Variants in IMPG1 observed in about 807,000 individuals in gnomAD.
The protein encoded by IMPG1 is interphotoreceptor matrix proteoglycan 1, also known as interphotoreceptor matrix proteoglycan of 150 kDa.
A neutral mutation model predicts 92.0 loss-of-function variants in IMPG1; 85 were observed. That is an observed-to-expected ratio of 0.92 (90% CI 0.78 to 1.11). The LOEUF (loss-of-function observed/expected upper bound fraction) is 1.11, where lower values mean the gene tolerates loss of function less well. Ranked by LOEUF, IMPG1 falls within the 50% of genes least tolerant of loss-of-function variation. IMPG1 has a pLI of 0.00. For missense variants in IMPG1, 1,022 were observed against 956.0 expected (o/e 1.07, Z -0.91); for synonymous variants, 367 against 334.1 (o/e 1.10, Z -1.08).
intron 16 of IMPG1, 75 bp from the exon 17 acceptor site, chr6:75,922,241 G>A (rs1582041692): frequency 1.5e-6 from 1 of 649,394 alleles, no homozygotes; most frequent in East Asian, 2.8e-5. Context: ...CAATATTACT[G>A]CCACTGGTAG....
At chr6:75,933,904 C>T (rs536761676) in intron 14 of IMPG1, among the ~76,000 whole-genome samples, 1 of 151,118 alleles carries the variant, frequency 6.6e-6, no homozygotes, top group East Asian at 1.9e-4. Flanking sequence ...TTGCCGACAT[C>T]ATTTTCATCG....
chr6:75,923,666 C>T lies in IMPG1; in HGVS notation c.2284G>A (p.Val762Ile). ...TTTTGTTGATTTTGGAACTTTTTAA[C>T]ACTAGTTTTGTATGCTTGATTTTCA... ...HSENQAYKTS[V>I]KKFQNQQNNK... is the part of the protein sequence containing the mutation. The change falls in exon 16 of 17, where the codon GTT becomes ATT. Residue 762 changes from valine to isoleucine, a missense_variant. Coordinates refer to ENST00000369950, the MANE Select transcript of IMPG1 (RefSeq NM_001563.4). The T allele has an allele frequency of 1.3e-6, 2 of 1,593,598 alleles. No homozygotes were observed. The highest frequency in any genetic ancestry group is 1.7e-6 in the Non-Finnish European group (2 of 1,162,802).
chr6:76,067,862 G>A (rs1205163657), intron 1 of IMPG1, among the ~76,000 whole-genome samples: 12 of 152,100 alleles, frequency 7.9e-5, no homozygotes, highest in Non-Finnish European at 1.0e-4. Flanking sequence ...CTTTATTCCA[G>A]GGATGCAAAG....
chr6:76,029,079 C>A (rs753817515), intron 4 of IMPG1, among the ~76,000 whole-genome samples: 1 of 152,224 alleles, frequency 6.6e-6, no homozygotes, highest in Non-Finnish European at 1.5e-5. Context: ...ACTTACAGAA[C>A]TAATAAAACT....
rs191746719 is a variant in IMPG1, at chr6:75,981,920, C to G, written c.1291+20998G>C. ...CAAATTTCTAAGTATTACTCATCCT[C>G]AAGTGATTTACAAAAGGTACTTGAG... On this transcript the variant is annotated intron_variant, in intron 12 of 16. Transcript: ENST00000369950. Among the ~76,000 whole-genome samples, 4 of 152,306 alleles carry G rather than the reference C, an allele frequency of 2.6e-5. No individual in the cohort carries two copies. In the East Asian group the frequency reaches 5.8e-4, roughly 22 times the overall value.
At chr6:76,035,778 T>G (rs1783733395) in intron 2 of IMPG1, among the ~76,000 whole-genome samples, 1 of 152,210 alleles carries the variant, frequency 6.6e-6, no homozygotes. Context: ...TCCATCCCTA[T>G]TCTTATTGTG....
At chr6:76,054,471 A>G (rs2127596619) in intron 1 of IMPG1, among the ~76,000 whole-genome samples, 1 of 152,332 alleles carries the variant, frequency 6.6e-6, no homozygotes, top group South Asian at 2.1e-4. Flanking sequence ...GTCAGACTAC[A>G]TTTAAAAAGG....
chr6:75,974,380 TTTCTTTC>T (rs1554230309), intron 12 of IMPG1, among the ~76,000 whole-genome samples: 1 of 76,304 alleles, frequency 1.3e-5, no homozygotes, highest in African/African-American at 4.5e-5. Context: ...TCTTTCTTTC[TTTCTTTC>T]TTTCTTTTCT....
chr6:76,066,837 A>G (rs1182826025), intron 1 of IMPG1, among the ~76,000 whole-genome samples: 2 of 152,164 alleles, frequency 1.3e-5, no homozygotes, highest in African/African-American at 4.8e-5. Flanking sequence ...ATAAATTGAA[A>G]TTATATCAAG....
rs142049654 is a variant in IMPG1, at chr6:76,004,057, G to A, written c.1136-107C>T. On this transcript the variant is annotated intron_variant, in intron 10 of 16. Coordinates refer to ENST00000369950, the MANE Select transcript of IMPG1 (RefSeq NM_001563.4). ...ATATGCGGAATAACCAATCCTTAAG[G>A]AGTAGTACAACAAATCATTAGGAAA... 66 of 738,224 alleles carry A rather than the reference G, an allele frequency of 8.9e-5. No homozygotes were observed. The African/African-American group carries it at 9.7e-4, about 11-fold the overall frequency. 45.7% of individuals were successfully genotyped at this position (738,224 alleles called of 1,614,324 possible). A position where few individuals can be genotyped will look rare whatever the true frequency, so the allele number is the denominator to read the frequency against.
intron 13 of IMPG1, among the ~76,000 whole-genome samples, chr6:75,948,739 G>A (rs556923827): frequency 1.3e-5 from 2 of 152,202 alleles, no homozygotes; most frequent in Non-Finnish European, 2.9e-5. Flanking sequence ...ATTTCTCATA[G>A]AAAGAGGCTG....
chr6:76,029,032 C>G (rs1248182566), intron 4 of IMPG1, among the ~76,000 whole-genome samples: 3 of 152,250 alleles, frequency 2.0e-5, no homozygotes, highest in Non-Finnish European at 4.4e-5. Context: ...AAGGGTTTGA[C>G]TGAAAGTGTA....
intron 14 of IMPG1, 76 bp downstream of exon 14, chr6:75,947,238 C>T (rs999467256): frequency 4.4e-5 from 51 of 1,146,802 alleles, no homozygotes; most frequent in African/African-American, 1.4e-4. Context: ...AAGATTGAAA[C>T]GTGTGCTTAA....
At position 75,977,266 on chromosome 6, in the gene IMPG1, A is replaced by G. The variant is rs184845564; in HGVS notation, c.1291+25652T>C. The stretch of plus-strand genomic sequence containing the variant: ...TTTTCTTACAGTCTTTCTAATTGCT[A>G]GGAACTTGGCAGATTAAGATTGCTG... On this transcript the variant is annotated intron_variant, in intron 12 of 16. Coordinates refer to ENST00000369950, the MANE Select transcript of IMPG1 (RefSeq NM_001563.4). 9.9e-5 allele frequency among the ~76,000 whole-genome samples: 15 copies of G among 152,274 alleles called. 1 individual carries two copies. Among genetic ancestry groups the G allele is most frequent in the African/African-American group, 3.4e-4 (14 of 41,556 alleles).
intron 2 of IMPG1, among the ~76,000 whole-genome samples, chr6:76,038,282 C>T (rs1783776411): frequency 6.6e-6 from 1 of 152,192 alleles, no homozygotes; most frequent in Non-Finnish European, 1.5e-5. Flanking sequence ...CATAAGGGCC[C>T]TGAAAGAATC....
At chr6:76,050,127 CTCT>C (rs1416065308) in intron 1 of IMPG1, among the ~76,000 whole-genome samples, 3 of 152,112 alleles carry the variant, frequency 2.0e-5, no homozygotes, top group Non-Finnish European at 4.4e-5. Flanking sequence ...GGGCTTTTGA[CTCT>C]TCGTTTATAG....
At chr6:75,924,527 TTATAATATAATTA>T (rs1188873006) in intron 15 of IMPG1, among the ~76,000 whole-genome samples, 39 of 50,332 alleles carry the variant, frequency 7.7e-4, no homozygotes, top group Middle Eastern at 9.3e-3. Flanking sequence ...TAATTATATA[TTATAATATAATTA>T]TATAATATAA....
rs140590110 is a variant in IMPG1 at position 76,042,021 on chromosome 6, C to T, written c.173G>A (p.Arg58Lys). The T allele has an allele frequency of 5.1e-3, 8,207 of 1,612,816 alleles. 53 individuals carry two copies. Among genetic ancestry groups the T allele is most frequent in the South Asian group, 0.017 (1,557 of 91,056 alleles). ...ATGCTTTGCCAAATCGAATATTCGT[C>T]TCATAGTTGACATTTTGTACATTTT... is the stretch of plus-strand genomic sequence containing the variant. ...TEKMYKMSTMRRIFDLAKHRT... is the reference protein window; with the variant it reads ...TEKMYKMSTMKRIFDLAKHRT... Residue 58 changes from arginine (R) to lysine (K), a missense_variant, in exon 2 of 17, where the codon AGA becomes AAA. Transcript: ENST00000369950.
At chr6:75,978,926 G>T (rs183309403) in intron 12 of IMPG1, among the ~76,000 whole-genome samples, 1 of 152,082 alleles carries the variant, frequency 6.6e-6, no homozygotes, top group East Asian at 1.9e-4. Flanking sequence ...TTTGGGGGGT[G>T]GGGAGGACAA....
Sources: gnomAD v4.1 joint callset for allele counts (sites outside exome capture counted in the v4.1 genomes callset) on GRCh38, gnomAD v4.1.1 for gene constraint, MANE v1.5 for transcripts, NCBI Gene and HGNC (gene_info 2026-07-23, HGNC 2026-07-21) for gene names.